The following KLHL4 variants were observed in gnomAD, a reference collection of about 807,000 sequenced individuals.
KLHL4 encodes kelch like family member 4, also known as kelch-like protein 4.
A neutral mutation model predicts 45.8 loss-of-function variants in KLHL4; 17 were observed. That is an observed-to-expected ratio of 0.37 (90% CI 0.25 to 0.56). The LOEUF is 0.56. Among genes scored for constraint, KLHL4 ranks in the 20% least tolerant of loss-of-function variants. The pLI, the probability that KLHL4 is intolerant of heterozygous loss-of-function variation, is 0.79. For missense variants in KLHL4, 544 were observed against 544.9 expected (o/e 1.00, Z 0.02); for synonymous variants, 224 against 189.9 (o/e 1.18, Z -1.47).
chrX:87,591,910 T>C (rs1198862862), intron 1 of KLHL4, among the ~76,000 whole-genome samples: 1 of 111,267 alleles, frequency 9.0e-6, no homozygotes, highest in Non-Finnish European at 1.9e-5. Context: ...GAGTTGTTAT[T>C]TACTGCAGTC....
chrX:87,538,646 G>A (rs1173062585), intron 1 of KLHL4, among the ~76,000 whole-genome samples: 1 of 111,181 alleles, frequency 9.0e-6, no homozygotes, highest in Non-Finnish European at 1.9e-5. Flanking sequence ...TTTATTTTGT[G>A]GTAGCTTCCT....
intron 5 of KLHL4, among the ~76,000 whole-genome samples, 160 bp downstream of exon 5, chrX:87,622,583 G>A (rs1321142518): frequency 9.0e-6 from 1 of 111,221 alleles, no homozygotes; most frequent in Non-Finnish European, 1.9e-5. Flanking sequence ...ATCAATTAGA[G>A]GCATTAATAA....
In KLHL4 at chrX:87,667,128, A is replaced by G; in HGVS notation, c.*594A>G. 1 of 753,216 alleles carries G rather than the reference A, an allele frequency of 1.3e-6. No individual in the cohort carries two copies. The highest frequency in any genetic ancestry group is 1.6e-6 in the Non-Finnish European group (1 of 638,520). The allele number at this position is 753,216 out of a possible 1,213,427, so 62.1% of individuals were successfully genotyped here. On this transcript the variant is annotated 3_prime_UTR_variant, in exon 11 of 11. Transcript: ENST00000373119. ...CTCTTTGACAAAACTTGTTATGTTG[A>G]TCGCGGTATGTCAAAATTTTTACAG...
At chrX:87,638,521 G>A (rs1219608784) in intron 9 of KLHL4, among the ~76,000 whole-genome samples, 1 of 111,944 alleles carries the variant, frequency 8.9e-6, no homozygotes, top group African/African-American at 3.2e-5. Flanking sequence ...CAAGCTAGAG[G>A]GGATTGAGGC....
intron 1 of KLHL4, among the ~76,000 whole-genome samples, chrX:87,549,616 G>T (rs1468107193): frequency 9.0e-6 from 1 of 111,090 alleles, no homozygotes; most frequent in Admixed American, 9.6e-5. Flanking sequence ...ATAACAAGAG[G>T]AATTTTGATA....
At chrX:87,568,881 G>C (rs1932276746) in intron 1 of KLHL4, among the ~76,000 whole-genome samples, 1 of 111,593 alleles carries the variant, frequency 9.0e-6, no homozygotes, top group Non-Finnish European at 1.9e-5. Context: ...AAGAGCTAAA[G>C]CTATAAAACT....
chrX:87,654,734 AAGATTGTACTTATT>A (rs1923931784), intron 9 of KLHL4, among the ~76,000 whole-genome samples: 1 of 111,827 alleles, frequency 8.9e-6, no homozygotes, highest in Non-Finnish European at 1.9e-5. Context: ...GATTGCCATA[AAGATTGTACTTATT>A]TGCATTCCCA....
Position 87,668,386 on chromosome X carries a change from T to C in KLHL4, c.*1852T>C. ...TGCATGGACAAGAGGAAAGTGAAAG[T>C]TGAATACTCTCTTCTCAATGGCATA... On this transcript the variant is annotated 3_prime_UTR_variant, in exon 11 of 11. Coordinates refer to ENST00000373119, the MANE Select transcript of KLHL4 (RefSeq NM_019117.5). 1 of 751,061 alleles carries C rather than the reference T, an allele frequency of 1.3e-6. No individual in the cohort carries two copies. Among genetic ancestry groups the C allele is most frequent in the Non-Finnish European group, 1.6e-6 (1 of 636,388 alleles). The allele number at this position is 751,061 out of a possible 1,213,427, so 61.9% of individuals were successfully genotyped here. A position where few individuals can be genotyped will look rare whatever the true frequency, so the allele number is the denominator to read the frequency against.
intron 1 of KLHL4, among the ~76,000 whole-genome samples, chrX:87,594,097 C>T (rs1488491369): frequency 9.0e-6 from 1 of 111,042 alleles, no homozygotes; most frequent in Non-Finnish European, 1.9e-5. Context: ...TTATATGGGA[C>T]TGAAAACAAT....
intron 1 of KLHL4, among the ~76,000 whole-genome samples, chrX:87,605,581 C>A (rs5924055): frequency 0.38 from 41,857 of 109,848 alleles, 6,121 homozygotes; most frequent in Middle Eastern, 0.47. Flanking sequence ...GTTACGTTGA[C>A]TTTTTATACC....
At chrX:87,576,660 A>G (rs1921110874) in intron 1 of KLHL4, among the ~76,000 whole-genome samples, 1 of 111,800 alleles carries the variant, frequency 8.9e-6, no homozygotes, top group Non-Finnish European at 1.9e-5. Flanking sequence ...ACATAAAACT[A>G]TAGTTTTTGT....
At chrX:87,617,851 T>TA (rs1399613505) in intron 3 of KLHL4, 81 bp from the exon 4 acceptor site, 3,331 of 742,556 alleles carry the variant, frequency 4.5e-3, no homozygotes, top group Non-Finnish European at 5.3e-3. Context: ...GAGAGGAAAA[T>TA]AAAAAAAAAA....
chrX:87,552,866 G>T (rs768759937), intron 1 of KLHL4, among the ~76,000 whole-genome samples: 1 of 109,782 alleles, frequency 9.1e-6, no homozygotes, highest in Non-Finnish European at 1.9e-5. Context: ...AAAATGGAAA[G>T]AATAAATAAG....
intron 6 of KLHL4, 25 bp downstream of exon 6, chrX:87,625,821 A>G (rs754504540): frequency 9.8e-6 from 11 of 1,125,081 alleles, no homozygotes; most frequent in South Asian, 2.0e-5. Flanking sequence ...GAGTGTCTTC[A>G]TTCAAAAAAG....
intron 9 of KLHL4, among the ~76,000 whole-genome samples, chrX:87,642,590 T>C (rs1334774562): frequency 8.9e-6 from 1 of 112,016 alleles, no homozygotes; most frequent in Non-Finnish European, 1.9e-5. Flanking sequence ...AGGTTAGTTA[T>C]TAAGCTAATC....
At chrX:87,559,093 T>C (rs1475887453) in intron 1 of KLHL4, among the ~76,000 whole-genome samples, 3 of 112,010 alleles carry the variant, frequency 2.7e-5, no homozygotes, top group African/African-American at 9.7e-5. Context: ...AACTTTGATT[T>C]TTGCTTGAAA....
At chrX:87,587,150 C>CAAAAAA (rs1197848253) in intron 1 of KLHL4, among the ~76,000 whole-genome samples, 3 of 47,811 alleles carry the variant, frequency 6.3e-5, no homozygotes, top group Admixed American at 3.0e-4. Flanking sequence ...TAAAATAAAG[C>CAAAAAA]AAAAAAAAAA....
At chrX:87,568,225 C>T (rs12843199) in intron 1 of KLHL4, among the ~76,000 whole-genome samples, 2 of 109,167 alleles carry the variant, frequency 1.8e-5, no homozygotes, top group African/African-American at 6.7e-5. Flanking sequence ...AAATGCATTT[C>T]TAAAAGAAAT....
intron 1 of KLHL4, among the ~76,000 whole-genome samples, chrX:87,590,436 C>T (rs1340109460): frequency 9.0e-6 from 1 of 111,527 alleles, no homozygotes; most frequent in Non-Finnish European, 1.9e-5. Flanking sequence ...TTTACAGATT[C>T]AATACTATCC....
Sources: gnomAD v4.1 joint callset for allele counts (sites outside exome capture counted in the v4.1 genomes callset) on GRCh38, gnomAD v4.1.1 for gene constraint, MANE v1.5 for transcripts, NCBI Gene and HGNC (gene_info 2026-07-23, HGNC 2026-07-21) for gene names.